ACSS3: variants seen among roughly 807,000 people sequenced by gnomAD.
ACSS3 encodes the protein acyl-CoA synthetase short chain family member 3, also known as acyl-CoA synthetase short-chain family member 3, mitochondrial.
A neutral mutation model predicts 84.2 loss-of-function variants in ACSS3; 64 were observed. The observed-to-expected ratio is 0.76, with a 90% CI of 0.62 to 0.94. ACSS3 has a LOEUF of 0.94. Ranked by LOEUF, ACSS3 falls within the 40% of genes least tolerant of loss-of-function variation. The pLI is 0.00. For missense variants in ACSS3, 815 were observed against 867.6 expected, an observed-to-expected ratio of 0.94 and a Z score of 0.76; for synonymous variants, 317 against 310.1, an observed-to-expected ratio of 1.02 and a Z score of -0.23.
intron 1 of ACSS3, among the ~76,000 whole-genome samples, chr12:81,102,452 T>C (rs1182171117): frequency 6.6e-6 from 1 of 152,074 alleles, no homozygotes; most frequent in African/African-American, 2.4e-5. Context: ...GCAGGAAGCA[T>C]AAGTGGGGGA....
At chr12:81,230,194 G>T (rs551069549) in intron 11 of ACSS3, among the ~76,000 whole-genome samples, 1 of 151,940 alleles carries the variant, frequency 6.6e-6, no homozygotes, top group East Asian at 1.9e-4. Flanking sequence ...ATGTTTTACA[G>T]TATTGAAAAT....
chr12:81,174,778 C>T lies in ACSS3; in HGVS notation c.1099-10C>T, dbSNP rs765226724. On this transcript the variant is annotated splice_polypyrimidine_tract_variant and intron_variant, in intron 7 of 15. Coordinates refer to ENST00000548058, the MANE Select transcript of ACSS3 (RefSeq NM_024560.4). Reference sequence around the variant, plus strand: ...TTATCCAGTGACATTTTAAATGAATCTCATTGTAGGGGAAGCCTGTGGGAA... The same window carrying T: ...TTATCCAGTGACATTTTAAATGAATTTCATTGTAGGGGAAGCCTGTGGGAA... 3.7e-6 allele frequency: 6 copies of T among 1,607,454 alleles called. No homozygotes were observed. Among genetic ancestry groups the T allele is most frequent in the Non-Finnish European group, 5.1e-6 (6 of 1,175,826 alleles).
At chr12:81,191,944 A>G (rs932025543) in intron 8 of ACSS3, among the ~76,000 whole-genome samples, 1 of 152,182 alleles carries the variant, frequency 6.6e-6, no homozygotes, top group African/African-American at 2.4e-5. Flanking sequence ...TATTCTACGT[A>G]TATTTCCTGA....
In ACSS3 at chr12:81,258,639, G is replaced by C. The variant is rs2034458765; in HGVS notation, c.*3717G>C. 6.6e-6 allele frequency: 1 copy of C among 151,970 alleles called. No homozygotes were observed. The highest frequency in any genetic ancestry group is 6.6e-5 in the Admixed American group (1 of 15,240). 9.4% of individuals were successfully genotyped at this position (151,970 alleles called of 1,614,324 possible). A position where few individuals can be genotyped will look rare whatever the true frequency, so the allele number is the denominator to read the frequency against. On this transcript the variant is annotated 3_prime_UTR_variant, in exon 16 of 16. Transcript: ENST00000548058. ...TTTCCTCTGATAAAACTGACTTCAG[G>C]GAAGTCGCAACAAGGCCATCTCGGC...
At position 81,260,679 on chromosome 12, in the gene ACSS3, G is replaced by C. The variant is rs141511552; in HGVS notation, c.*5757G>C. The stretch of plus-strand genomic sequence containing the variant: ...GTGATCCAAATAAGGCAGCATATCT[G>C]CTCCCATCCTAAGCCCAAAAGACCA... On this transcript the variant is annotated 3_prime_UTR_variant, in exon 16 of 16. Coordinates refer to ENST00000548058, the MANE Select transcript of ACSS3 (RefSeq NM_024560.4). 6.6e-6 allele frequency: 1 copy of C among 152,068 alleles called. No individual in the cohort carries two copies. The highest frequency in any genetic ancestry group is 2.4e-5 in the African/African-American group (1 of 41,412). 9.4% of individuals were successfully genotyped at this position (152,068 alleles called of 1,614,324 possible).
At chr12:81,241,574 C>T (rs1565739653) in intron 13 of ACSS3, among the ~76,000 whole-genome samples, 1 of 152,222 alleles carries the variant, frequency 6.6e-6, no homozygotes, top group Non-Finnish European at 1.5e-5. Flanking sequence ...ATTTGCATTT[C>T]TCTGATGGCC....
chr12:81,078,211 G>A lies in ACSS3; in HGVS notation c.91G>A (p.Gly31Ser), dbSNP rs1880738246. ...TGGGTCCTCTCCGGCCCGGGGAGCC[G>A]GTGCGGCCCTCAGGGCTTTAGTGGT... ...LPGSSPARGAGAALRALVVPG... is the reference protein window; with the variant it reads ...LPGSSPARGASAALRALVVPG... The change falls in exon 1 of 16, where the codon GGT becomes AGT. Residue 31 changes from glycine (G) to serine (S), a missense_variant. Physicochemically the swap from Gly to Ser is moderately conservative, Grantham distance 56 (BLOSUM62 0). Coordinates refer to ENST00000548058, the MANE Select transcript of ACSS3 (RefSeq NM_024560.4). 7.0e-6 allele frequency: 11 copies of A among 1,573,754 alleles called. No individual in the cohort carries two copies. The highest frequency in any genetic ancestry group is 8.6e-6 in the Non-Finnish European group (10 of 1,163,742).
intron 2 of ACSS3, among the ~76,000 whole-genome samples, chr12:81,132,298 A>G (rs977749811): frequency 6.6e-6 from 1 of 152,068 alleles, no homozygotes; most frequent in Non-Finnish European, 1.5e-5. Context: ...TGTTGCCTCA[A>G]TTTCAGAGCC....
chr12:81,081,957 A>G (rs2121265043), intron 1 of ACSS3, among the ~76,000 whole-genome samples: 1 of 152,350 alleles, frequency 6.6e-6, no homozygotes, highest in East Asian at 1.9e-4. Flanking sequence ...GAATTAAAGG[A>G]CATCAATCAT....
chr12:81,179,205 A>T (rs1232108015), intron 8 of ACSS3, among the ~76,000 whole-genome samples: 4 of 151,130 alleles, frequency 2.6e-5, no homozygotes, highest in African/African-American at 9.7e-5. Context: ...AAGAATTTAT[A>T]CAAAATAGCA....
chr12:81,210,532 G>T (rs954539515), intron 9 of ACSS3, among the ~76,000 whole-genome samples: 1 of 116,366 alleles, frequency 8.6e-6, no homozygotes, highest in African/African-American at 3.0e-5. Context: ...TAAATAAGAA[G>T]GCTATGAACC....
intron 8 of ACSS3, among the ~76,000 whole-genome samples, chr12:81,179,760 C>T: frequency 1.2e-5 from 1 of 83,320 alleles, no homozygotes; most frequent in African/African-American, 4.1e-5. Flanking sequence ...GCCTGGGTGA[C>T]AGAGCGAGAC....
intron 7 of ACSS3, among the ~76,000 whole-genome samples, chr12:81,172,271 A>AAAAAAAAAAAAAAAAAAC (rs1565703088): frequency 6.7e-6 from 1 of 149,434 alleles, no homozygotes; most frequent in Non-Finnish European, 1.5e-5. Flanking sequence ...AAAAAAAAAA[A>AAAAAAAAAAAAAAAAAAC]AAAAAAGGCC....
rs116498459 is a variant in ACSS3 at position 81,189,173 on chromosome 12, T to C, written c.1251-10168T>C. On this transcript the variant is annotated intron_variant, in intron 8 of 15. Transcript: ENST00000548058. ...ATTGTTTCTAATTTTTTGACTCTTA[T>C]GCAGTTGCAGCATTAATAATACATG... Among the ~76,000 whole-genome samples the C allele has an allele frequency of 4.2e-3, 633 of 152,286 alleles. 6 individuals carry two copies. Among genetic ancestry groups the C allele is most frequent in the African/African-American group, 0.014 (590 of 41,568 alleles).
intron 12 of ACSS3, among the ~76,000 whole-genome samples, chr12:81,233,062 A>C (rs1226257401): frequency 6.6e-6 from 1 of 151,726 alleles, no homozygotes. Flanking sequence ...TTGAGCTATT[A>C]CTTCTCCATT....
chr12:81,252,337 C>G (rs1311379560), intron 13 of ACSS3, among the ~76,000 whole-genome samples: 1 of 152,116 alleles, frequency 6.6e-6, no homozygotes, highest in Non-Finnish European at 1.5e-5. Flanking sequence ...CTGAAAGCAT[C>G]TTGAAGCAAT....
chr12:81,207,272 C>A (rs1424623367), intron 9 of ACSS3, among the ~76,000 whole-genome samples: 2 of 152,128 alleles, frequency 1.3e-5, no homozygotes, highest in Non-Finnish European at 2.9e-5. Context: ...TACACGTAAA[C>A]CCCTGCACTG....
intron 2 of ACSS3, among the ~76,000 whole-genome samples, chr12:81,115,736 T>C (rs957232197): frequency 5.1e-4 from 77 of 152,302 alleles, no homozygotes; most frequent in African/African-American, 1.7e-3. Context: ...TTACCAATAT[T>C]TGAAAACCTT....
chr12:81,239,263 T>C (rs2033717017), intron 13 of ACSS3, among the ~76,000 whole-genome samples: 2 of 151,954 alleles, frequency 1.3e-5, no homozygotes, highest in Admixed American at 1.3e-4. Context: ...GTGTGTTTTA[T>C]GGCCCAAAAT....
Sources: gnomAD v4.1 joint callset for allele counts (sites outside exome capture counted in the v4.1 genomes callset) on GRCh38, gnomAD v4.1.1 for gene constraint, MANE v1.5 for transcripts, NCBI Gene and HGNC (gene_info 2026-07-23, HGNC 2026-07-21) for gene names.